The following DNAH10 variants were observed in gnomAD, a reference collection of about 807,000 sequenced individuals.
DNAH10 encodes the protein axonemal beta dynein heavy chain 10.
DNAH10 carries 348 observed loss-of-function variants against 506.6 expected under a neutral mutation model. The ratio of observed to expected loss-of-function variants is 0.69; its 90% confidence interval spans 0.63 to 0.75. DNAH10 has a LOEUF of 0.75. Among genes scored for constraint, DNAH10 ranks in the 30% least tolerant of loss-of-function variants. The pLI, the probability that DNAH10 is intolerant of heterozygous loss-of-function variation, is 0.00. For synonymous variants in DNAH10, 2,059 were observed against 2,198.6 expected (o/e 0.94, Z 1.78); for missense variants, 5,179 against 5,787.1 (o/e 0.89, Z 3.41).
chr12:123,861,809 A>C (rs1313773762), intron 39 of DNAH10, among the ~76,000 whole-genome samples: 4 of 152,272 alleles, frequency 2.6e-5, no homozygotes, highest in African/African-American at 9.6e-5. Flanking sequence ...TAAAATCCTT[A>C]AATAACAAGA....
At chr12:123,778,011 A>C (rs1372227173) in intron 5 of DNAH10, among the ~76,000 whole-genome samples, 2 of 151,936 alleles carry the variant, frequency 1.3e-5, no homozygotes, top group African/African-American at 2.4e-5. Flanking sequence ...CTAAAATAAC[A>C]AAATAACATC....
chr12:123,831,614 C>T (rs920337933), intron 26 of DNAH10, among the ~76,000 whole-genome samples: 4 of 152,100 alleles, frequency 2.6e-5, no homozygotes, highest in African/African-American at 4.8e-5. Context: ...CAGCCAAGGC[C>T]GGGCATGGTG....
At chr12:123,900,429 C>G (rs1043433414) in intron 56 of DNAH10, among the ~76,000 whole-genome samples, 1 of 152,156 alleles carries the variant, frequency 6.6e-6, no homozygotes, top group Non-Finnish European at 1.5e-5. Flanking sequence ...ACCCCTGCCT[C>G]GAAGAAGCTC....
In DNAH10 at chr12:123,830,690, C is replaced by T. The variant is rs1025628618; in HGVS notation, c.4536C>T (p.Ala1512=). The T allele has an allele frequency of 1.2e-6, 2 of 1,607,842 alleles. No individual in the cohort carries two copies. The highest frequency in any genetic ancestry group is 8.5e-7 in the Non-Finnish European group (1 of 1,177,234). Residue 1512 remains alanine (A), a synonymous_variant, in exon 26 of 79, where the codon GCC becomes GCT. Transcript: ENST00000673944. ...TCACAGCAGCAATCAAGGAGGTTGC[C>T]ATTGAGAAGGTAAGACTTCAGTTAA... ...EIVTAAIKEV[A]IEKAVKEILD...
At chr12:123,783,309 T>G (rs199825365) in intron 7 of DNAH10, 45 bp downstream of exon 7, 75 of 1,603,968 alleles carry the variant, frequency 4.7e-5, no homozygotes, top group Non-Finnish European at 6.1e-5. Context: ...CAGGTCATGC[T>G]TACCATGCTG....
At chr12:123,929,815 C>T (rs1340165897) in intron 72 of DNAH10, 56 bp downstream of exon 72, 11 of 1,506,576 alleles carry the variant, frequency 7.3e-6, no homozygotes, top group Non-Finnish European at 1.0e-5. Flanking sequence ...GAGCTGTGGC[C>T]TCGTGCCCCT....
chr12:123,807,068 C>T (rs1958706236), intron 18 of DNAH10, among the ~76,000 whole-genome samples: 1 of 152,212 alleles, frequency 6.6e-6, no homozygotes, highest in East Asian at 1.9e-4. Flanking sequence ...GCGCCTGGCC[C>T]TGCTATGTTT....
intron 76 of DNAH10, chr12:123,932,792 G>A (rs4930707): frequency 0.32 from 48,150 of 152,224 alleles, 7,687 homozygotes; most frequent in Middle Eastern, 0.36. Context: ...AGCGTATTTT[G>A]CATGCTTTAC....
In DNAH10 at chr12:123,787,957, G is replaced by A. The variant is rs777604662; in HGVS notation, c.1575G>A (p.Thr525=). 7 of 1,591,588 alleles carry A rather than the reference G, an allele frequency of 4.4e-6. No individual in the cohort carries two copies. The Middle Eastern group carries it at 8.3e-4, about 188-fold the overall frequency. The part of the protein sequence containing the change: ...EFDRKRLFER[T]DYMATICQDL... ...ACCGGAAGCGGCTGTTCGAGAGGAC[G>A]GATTATATGGCCACCATCTGCCAGG... The change falls in exon 10 of 79, where the codon ACG becomes ACA. Residue 525 remains threonine, a synonymous_variant. Coordinates refer to ENST00000673944, the MANE Select transcript of DNAH10 (RefSeq NM_001372106.1). This position sits in a 1 kb window ranked among gnomAD's most constrained non-coding sequence, Gnocchi z 4.6.
Position 123,881,368 on chromosome 12 carries a change from T to C in DNAH10, c.8635-257T>C, listed in dbSNP as rs570096399. Among the ~76,000 whole-genome samples, 6 of 152,320 alleles carry C rather than the reference T, an allele frequency of 3.9e-5. No individual in the cohort carries two copies. In the East Asian group the frequency reaches 7.7e-4, roughly 20 times the overall value. On this transcript the variant is annotated intron_variant, in intron 50 of 78. Coordinates refer to ENST00000673944, the MANE Select transcript of DNAH10 (RefSeq NM_001372106.1). ...CTAAGTGGTGTGAGATGGTATCTCA[T>C]TGTGGTTTTGATTTGCATTTCTCTG...
rs1955031583 is a variant in DNAH10, at chr12:123,928,210, G to A, written c.12106-177G>A. 1 of 704,808 alleles carries A rather than the reference G, an allele frequency of 1.4e-6. No homozygotes were observed. Among genetic ancestry groups the A allele is most frequent in the East Asian group, 2.7e-5 (1 of 36,854 alleles). The allele number at this position is 704,808 out of a possible 1,614,324, so 43.7% of individuals were successfully genotyped here. On this transcript the variant is annotated intron_variant, in intron 69 of 78. Coordinates refer to ENST00000673944, the MANE Select transcript of DNAH10 (RefSeq NM_001372106.1). This position sits in a 1 kb window ranked among gnomAD's most constrained non-coding sequence, Gnocchi z 4.9. Reference sequence around the variant, plus strand: ...GCTCAGTGCACCCACGGGGCCCATGGGGTTTCTCAAAGATGGTTTATTTGA... The same window carrying A: ...GCTCAGTGCACCCACGGGGCCCATGAGGTTTCTCAAAGATGGTTTATTTGA...
chr12:123,857,276 G>A, intron 37 of DNAH10, 29 bp downstream of exon 37: 11 of 1,503,884 alleles, frequency 7.3e-6, no homozygotes, highest in Non-Finnish European at 8.9e-6. Context: ...CCTCACTGTG[G>A]CCGTGCATCC....
chr12:123,900,520 G>A (rs1412699398), intron 56 of DNAH10, among the ~76,000 whole-genome samples: 1 of 152,192 alleles, frequency 6.6e-6, no homozygotes, highest in Non-Finnish European at 1.5e-5. Flanking sequence ...TGTGTTTAGT[G>A]CCTCTCCTAC....
intron 51 of DNAH10, among the ~76,000 whole-genome samples, chr12:123,884,053 A>C (rs555173496): frequency 6.6e-5 from 10 of 152,032 alleles, no homozygotes; most frequent in African/African-American, 2.2e-4. Context: ...TTCGCCCCCG[A>C]GATGGAGTTT....
Position 123,916,625 on chromosome 12 carries a change from G to A in DNAH10, c.10891G>A (p.Asp3631Asn), listed in dbSNP as rs61740383. Residue 3631 changes from aspartate to asparagine, a missense_variant, in exon 63 of 79, where the codon GAC becomes AAC. By Grantham distance (23) the Asp-to-Asn change is conservative. Transcript: ENST00000673944. This position sits in a 1 kb window ranked among gnomAD's most constrained non-coding sequence, Gnocchi z 4.6. ...AGGACGGCAGTTTATTATCCTGGGA[G>A]ACAAGGAAGTGGACTATGATTCAAA... Reference protein sequence around the residue: ...SQGRQFIILGDKEVDYDSNFR... With the variant: ...SQGRQFIILGNKEVDYDSNFR... 0.013 allele frequency: 21,602 copies of A among 1,613,860 alleles called. 1,512 individuals carry two copies. In the African/African-American group the frequency reaches 0.19, roughly 14 times the overall value.
intron 36 of DNAH10, among the ~76,000 whole-genome samples, chr12:123,856,219 T>TA (rs1222865843): frequency 2.0e-5 from 3 of 147,716 alleles, no homozygotes; most frequent in Non-Finnish European, 4.5e-5. Flanking sequence ...TTAATTTATA[T>TA]AAAATTGTAA....
chr12:123,798,685 TTTATA>T (rs1221265308), intron 13 of DNAH10, among the ~76,000 whole-genome samples: 1 of 148,720 alleles, frequency 6.7e-6, no homozygotes, highest in African/African-American at 2.4e-5. Flanking sequence ...CTAATACTAT[TTTATA>T]TTATATTATT....
chr12:123,840,136 C>A (rs557977764), intron 29 of DNAH10, among the ~76,000 whole-genome samples: 1 of 151,858 alleles, frequency 6.6e-6, no homozygotes, highest in African/African-American at 2.4e-5. Context: ...GCCAGTAGCA[C>A]CCCCTCCCTA....
chr12:123,915,967 A>ATTT (rs1249320021), intron 62 of DNAH10, among the ~76,000 whole-genome samples: 1 of 151,826 alleles, frequency 6.6e-6, no homozygotes, highest in Non-Finnish European at 1.5e-5. Context: ...GCTTTTCCTC[A>ATTT]TTTTTTTCTG....
Sources: allele counts gnomAD v4.1 joint callset (sites outside exome capture counted in the v4.1 genomes callset), GRCh38; gene constraint gnomAD v4.1.1; non-coding constraint Gnocchi (gnomAD v3.1); transcripts MANE v1.5; gene names NCBI Gene and HGNC (gene_info 2026-07-23, HGNC 2026-07-21).